Variants in SKIL observed in about 807,000 individuals in gnomAD.
SKIL encodes the protein ski-like protein.
Under a neutral mutation model 69.6 loss-of-function variants are expected in SKIL, and 20 were observed. The observed-to-expected ratio is 0.29, with a 90% CI of 0.20 to 0.42. The LOEUF (loss-of-function observed/expected upper bound fraction) is 0.42, where lower values mean the gene tolerates loss of function less well. Among genes scored for constraint, SKIL ranks in the 10% least tolerant of loss-of-function variants. The probability of loss-of-function intolerance (pLI) is 1.00; values close to 1 mark genes in which losing one functional copy is unlikely to be tolerated. For synonymous variants in SKIL, 310 were observed against 279.9 expected, an observed-to-expected ratio of 1.11 and a Z score of -1.08; for missense variants, 745 against 783.1, an observed-to-expected ratio of 0.95 and a Z score of 0.58.
chr3:170,376,429 G>C (rs1737037229), intron 2 of SKIL, among the ~76,000 whole-genome samples: 1 of 151,798 alleles, frequency 6.6e-6, no homozygotes, highest in Non-Finnish European at 1.5e-5. Context: ...GTAGAGCTGG[G>C]GTGCAAAATG....
At chr3:170,357,826 T>C (rs1321636767) in intron 1 of SKIL, 63 bp downstream of exon 1, 2 of 153,648 alleles carry the variant, frequency 1.3e-5, no homozygotes, top group East Asian at 3.9e-4. Flanking sequence ...GCGCTCACCC[T>C]CCTAGGAGCC....
intron 2 of SKIL, among the ~76,000 whole-genome samples, chr3:170,376,727 C>A (rs1737052558): frequency 6.6e-6 from 1 of 152,138 alleles, no homozygotes; most frequent in Non-Finnish European, 1.5e-5. Flanking sequence ...AGGCACACAT[C>A]ACCTTGCCTG....
In SKIL at chr3:170,360,241, T is replaced by C; in HGVS notation, c.-91T>C. The C allele has an allele frequency of 7.2e-6, 9 of 1,241,736 alleles. No homozygotes were observed. Among genetic ancestry groups the C allele is most frequent in the Middle Eastern group, 2.0e-4 (1 of 5,066 alleles). 76.9% of individuals were successfully genotyped at this position (1,241,736 alleles called of 1,614,324 possible). A position where few individuals can be genotyped will look rare whatever the true frequency, so the allele number is the denominator to read the frequency against. On this transcript the variant is annotated 5_prime_UTR_variant, in exon 2 of 7. Transcript: ENST00000259119. ...GTTTGAGAGTAAGTTACGATAGGCA[T>C]TTGTATCCATTCATTACTTTCCTCT...
At position 170,374,533 on chromosome 3, in the gene SKIL, A is replaced by C. The variant is rs1344407924; in HGVS notation, c.1099-6711A>C. On this transcript the variant is annotated intron_variant, in intron 2 of 6. Coordinates refer to ENST00000259119, the MANE Select transcript of SKIL (RefSeq NM_005414.5). Reference sequence around the variant, plus strand: ...AGATACCAGGCAGTAGATACTCATAATTTGGTATCTAATTTTTATTCCTGA... The same window carrying C: ...AGATACCAGGCAGTAGATACTCATACTTTGGTATCTAATTTTTATTCCTGA... Among the ~76,000 whole-genome samples the C allele has an allele frequency of 2.0e-5, 3 of 152,216 alleles. No homozygotes were observed. The East Asian group carries it at 5.8e-4, about 29-fold the overall frequency.
intron 2 of SKIL, among the ~76,000 whole-genome samples, chr3:170,364,052 G>A (rs1388984341): frequency 6.6e-6 from 1 of 152,144 alleles, no homozygotes; most frequent in African/African-American, 2.4e-5. Context: ...CTGGGTTCAA[G>A]CAATTCTCCT....
chr3:170,390,603 T>A, intron 5 of SKIL, 139 bp downstream of exon 5: 3 of 674,930 alleles, frequency 4.4e-6, no homozygotes, highest in Non-Finnish European at 7.6e-6. Context: ...TCTTCTGCCT[T>A]AGCCTTCCGA....
chr3:170,381,417 A>ATAGTG, intron 3 of SKIL, 76 bp downstream of exon 3: 3 of 765,962 alleles, frequency 3.9e-6, no homozygotes, highest in Non-Finnish European at 7.0e-6. Context: ...CTATTCTAGG[A>ATAGTG]CATGGGAATT....
intron 3 of SKIL, among the ~76,000 whole-genome samples, chr3:170,381,916 C>A (rs1407176712): frequency 6.6e-6 from 1 of 151,724 alleles, no homozygotes; most frequent in Non-Finnish European, 1.5e-5. Context: ...CCTGTCTCTA[C>A]TAAAAATGCA....
At chr3:170,384,405 G>A in intron 3 of SKIL, 128 bp from the exon 4 acceptor site, 1 of 538,518 alleles carries the variant, frequency 1.9e-6, no homozygotes, top group South Asian at 2.9e-5. Context: ...TTTATTTTCT[G>A]AGTTGTAATA....
intron 2 of SKIL, among the ~76,000 whole-genome samples, chr3:170,377,332 G>A (rs1469445864): frequency 6.8e-6 from 1 of 146,384 alleles, no homozygotes; most frequent in African/African-American, 2.5e-5. Flanking sequence ...CTGTTCCCCT[G>A]TTTCGGTTGA....
intron 2 of SKIL, among the ~76,000 whole-genome samples, chr3:170,367,826 GT>G (rs903555456): frequency 1.3e-5 from 2 of 152,078 alleles, no homozygotes; most frequent in Non-Finnish European, 2.9e-5. Context: ...AAATATTTTA[GT>G]TTTTAATCTA....
intron 2 of SKIL, among the ~76,000 whole-genome samples, chr3:170,374,080 T>G (rs1346517978): frequency 6.6e-6 from 1 of 152,206 alleles, no homozygotes; most frequent in Non-Finnish European, 1.5e-5. Flanking sequence ...AATAGAGTGG[T>G]TCTTCATTAG....
chr3:170,372,134 A>G (rs1478029312), intron 2 of SKIL, among the ~76,000 whole-genome samples: 1 of 152,224 alleles, frequency 6.6e-6, no homozygotes, highest in Non-Finnish European at 1.5e-5. Context: ...ACAGACCTTC[A>G]GTATAAAATG....
At chr3:170,379,845 C>T (rs554761997) in intron 2 of SKIL, among the ~76,000 whole-genome samples, 89 of 151,852 alleles carry the variant, frequency 5.9e-4, no homozygotes, top group African/African-American at 2.1e-3. Context: ...GGTTTTGCCA[C>T]GTTGGCCATG....
intron 2 of SKIL, among the ~76,000 whole-genome samples, chr3:170,366,483 C>T (rs1441360328): frequency 2.0e-5 from 3 of 151,958 alleles, no homozygotes; most frequent in African/African-American, 4.8e-5. Context: ...GGTTCGGGAC[C>T]AGCCTGGCCA....
At chr3:170,368,798 G>A (rs1409137376) in intron 2 of SKIL, among the ~76,000 whole-genome samples, 1 of 152,062 alleles carries the variant, frequency 6.6e-6, no homozygotes, top group African/African-American at 2.4e-5. Context: ...GTGTGAAACA[G>A]TTTTTTTATT....
intron 2 of SKIL, among the ~76,000 whole-genome samples, chr3:170,363,282 C>T (rs1736334172): frequency 6.6e-6 from 1 of 152,106 alleles, no homozygotes; most frequent in African/African-American, 2.4e-5. Context: ...ACTTGGGATC[C>T]TGAGCTTTAT....
rs1410367418 is a variant in SKIL, at chr3:170,396,682, C to T, written c.*4265C>T. 2 of 152,130 alleles carry T rather than the reference C, an allele frequency of 1.3e-5. No individual in the cohort carries two copies. The highest frequency in any genetic ancestry group is 2.9e-5 in the Non-Finnish European group (2 of 68,028). The allele number at this position is 152,130 out of a possible 1,614,324, so 9.4% of individuals were successfully genotyped here. ...CTCATGTATCTGGTCACCTAGTTTA[C>T]AAATTTTGAATTATATTTATTGAAA... is the stretch of plus-strand genomic sequence containing the variant. On this transcript the variant is annotated 3_prime_UTR_variant, in exon 7 of 7. Coordinates refer to ENST00000259119, the MANE Select transcript of SKIL (RefSeq NM_005414.5).
chr3:170,378,509 C>T lies in SKIL; in HGVS notation c.1099-2735C>T, dbSNP rs149018239. 7.3e-3 allele frequency among the ~76,000 whole-genome samples: 1,084 copies of T among 148,502 alleles called. 15 individuals carry two copies. The highest frequency in any genetic ancestry group is 0.024 in the African/African-American group (990 of 40,708). On this transcript the variant is annotated intron_variant, in intron 2 of 6. Transcript: ENST00000259119. ...GACATCAGGCAAAACAGCTTTGCTA[C>T]TTTCCTAATTTGTTGAATTGGGAAT...
Sources: gnomAD v4.1 joint callset for allele counts (sites outside exome capture counted in the v4.1 genomes callset) on GRCh38, gnomAD v4.1.1 for gene constraint, MANE v1.5 for transcripts, NCBI Gene and HGNC (gene_info 2026-07-23, HGNC 2026-07-21) for gene names.